Variants in PRDM16 observed in about 807,000 individuals in gnomAD.
PRDM16 encodes histone-lysine N-methyltransferase PRDM16.
In PRDM16, 23 loss-of-function variants were observed where a neutral mutation model predicts 110.6. The observed-to-expected ratio is 0.21, with a 90% CI of 0.15 to 0.29. PRDM16 has a LOEUF of 0.29. PRDM16 is among the 10% of genes least tolerant of loss of function. The probability of loss-of-function intolerance (pLI) is 1.00; values close to 1 mark genes in which losing one functional copy is unlikely to be tolerated. For synonymous variants in PRDM16, 799 were observed against 781.8 expected, an observed-to-expected ratio of 1.02 and a Z score of -0.37; for missense variants, 1,615 against 1,794.3, an observed-to-expected ratio of 0.90 and a Z score of 1.81.
intron 1 of PRDM16, among the ~76,000 whole-genome samples, chr1:3,179,241 G>C (rs1294922876): frequency 8.5e-5 from 13 of 152,260 alleles, no homozygotes; most frequent in Non-Finnish European, 1.9e-4. Context: ...CTGGACTAGG[G>C]TGAGGCAGAG....
At chr1:3,092,108 C>T (rs1252869455) in intron 1 of PRDM16, among the ~76,000 whole-genome samples, 6 of 129,198 alleles carry the variant, frequency 4.6e-5, no homozygotes, top group South Asian at 2.6e-4. Context: ...CCCCATGTCA[C>T]GGCACTGCTG....
chr1:3,426,025 C>T, intron 13 of PRDM16, 26 bp from the exon 14 acceptor site: 1 of 1,598,466 alleles, frequency 6.3e-7, no homozygotes. Flanking sequence ...GAGAGGCCGC[C>T]CCCTGATGCT....
At chr1:3,230,005 G>T (rs1639371696) in intron 2 of PRDM16, among the ~76,000 whole-genome samples, 1 of 152,230 alleles carries the variant, frequency 6.6e-6, no homozygotes, top group African/African-American at 2.4e-5. Context: ...CGTTTAGTTT[G>T]CATGAACACT....
intron 3 of PRDM16, among the ~76,000 whole-genome samples, chr1:3,337,568 G>A (rs1307575736): frequency 6.6e-6 from 1 of 152,212 alleles, no homozygotes; most frequent in Non-Finnish European, 1.5e-5. Flanking sequence ...GGCCCTTGGG[G>A]TGGGAGCTGG....
intron 1 of PRDM16, among the ~76,000 whole-genome samples, chr1:3,118,041 C>T (rs1046550354): frequency 9.2e-5 from 14 of 151,432 alleles, no homozygotes; most frequent in Non-Finnish European, 1.8e-4. Flanking sequence ...TGTGTGTGTG[C>T]ATGCTCATGC....
chr1:3,196,115 G>T (rs960483264), intron 2 of PRDM16, among the ~76,000 whole-genome samples: 3 of 152,046 alleles, frequency 2.0e-5, no homozygotes. Flanking sequence ...GAGCTCACTG[G>T]GGGCAGCCAG....
intron 2 of PRDM16, among the ~76,000 whole-genome samples, chr1:3,231,811 T>C (rs1279068624): frequency 6.6e-6 from 1 of 152,138 alleles, no homozygotes; most frequent in African/African-American, 2.4e-5. Flanking sequence ...GCGGGCAGCC[T>C]TTCACCTGCC....
intron 1 of PRDM16, among the ~76,000 whole-genome samples, chr1:3,118,488 G>A (rs1337562762): frequency 2.6e-5 from 4 of 152,196 alleles, no homozygotes; most frequent in East Asian, 1.9e-4. Flanking sequence ...GTTGGATTCC[G>A]GGTAGTGTGG....
chr1:3,352,133 G>A (rs1225014763), intron 3 of PRDM16, among the ~76,000 whole-genome samples: 1 of 152,170 alleles, frequency 6.6e-6, no homozygotes, highest in Non-Finnish European at 1.5e-5. Flanking sequence ...ACCGGTGCAT[G>A]GTCCACCTGC....
intron 1 of PRDM16, among the ~76,000 whole-genome samples, chr1:3,158,048 G>T (rs886983517): frequency 1.3e-5 from 2 of 152,192 alleles, no homozygotes; most frequent in African/African-American, 2.4e-5. Context: ...ATAATATCTG[G>T]TATACTTTTT....
chr1:3,174,896 T>C (rs1317307174), intron 1 of PRDM16, among the ~76,000 whole-genome samples: 2 of 152,190 alleles, frequency 1.3e-5, no homozygotes, highest in Non-Finnish European at 2.9e-5. Context: ...CATATTAATA[T>C]TTAGCATGTT....
Position 3,175,709 on chromosome 1 carries a change from G to T in PRDM16, c.38-10416G>T, listed in dbSNP as rs1047666696. ...CCCACCCGCCACATGGGTGCAGGGAGGGTGACAGCCGGTCAGCCCTGAAGA... is the reference window on the plus strand; with the variant it reads ...CCCACCCGCCACATGGGTGCAGGGATGGTGACAGCCGGTCAGCCCTGAAGA... On this transcript the variant is annotated intron_variant, in intron 1 of 16. Transcript: ENST00000270722. This position sits in a 1 kb window ranked among gnomAD's most constrained non-coding sequence, Gnocchi z 4.8. 6.6e-6 allele frequency among the ~76,000 whole-genome samples: 1 copy of T among 152,218 alleles called. No homozygotes were observed. The highest frequency in any genetic ancestry group is 6.5e-5 in the Admixed American group (1 of 15,286).
intron 2 of PRDM16, among the ~76,000 whole-genome samples, chr1:3,196,355 G>T (rs1043378080): frequency 2.0e-5 from 3 of 152,264 alleles, no homozygotes; most frequent in African/African-American, 7.2e-5. Context: ...ACAGCCGATG[G>T]CCCTCTCTGG....
chr1:3,212,438 G>A (rs901178561), intron 2 of PRDM16, among the ~76,000 whole-genome samples: 5 of 152,090 alleles, frequency 3.3e-5, no homozygotes, highest in Non-Finnish European at 7.4e-5. Context: ...GCCTGGAGCC[G>A]GCCGGACGCT....
rs149931916 is a variant in PRDM16, at chr1:3,340,057, C to T, written c.439-45095C>T. Among the ~76,000 whole-genome samples the T allele has an allele frequency of 4.0e-3, 615 of 152,288 alleles. 8 individuals are homozygous for T. The highest frequency in any genetic ancestry group is 0.014 in the African/African-American group (587 of 41,556). On this transcript the variant is annotated intron_variant, in intron 3 of 16. Transcript: ENST00000270722. ...GATCTCTGCTGCGTATGGACGGATT[C>T]GCTGCCCAGGTTTGCAGGTCCATCC...
chr1:3,412,747 G>A lies in PRDM16; in HGVS notation c.2550G>A (p.Gln850=). 1.3e-6 allele frequency: 2 copies of A among 1,503,088 alleles called. No individual in the cohort carries two copies. Among genetic ancestry groups the A allele is most frequent in the Non-Finnish European group, 1.8e-6 (2 of 1,126,630 alleles). The allele number at this position is 1,503,088 out of a possible 1,614,324, so 93.1% of individuals were successfully genotyped here. The change falls in exon 9 of 17, where the codon CAG becomes CAA. Residue 850 remains glutamine, a synonymous_variant. Transcript: ENST00000270722. The stretch of plus-strand genomic sequence containing the variant: ...TGTGCCCGGCGCGGATGCCCCAGCA[G>A]CCCCCGCTCCACTACGCCAAGCCCT... ...PQVCPARMPQ[Q]PPLHYAKPSP...
At chr1:3,430,307 C>T (rs1218937943) in intron 14 of PRDM16, among the ~76,000 whole-genome samples, 1 of 152,168 alleles carries the variant, frequency 6.6e-6, no homozygotes, top group Non-Finnish European at 1.5e-5. Flanking sequence ...CAGGAGAGCC[C>T]TGGGCTGCAG....
chr1:3,318,591 C>A (rs1641667413), intron 3 of PRDM16, among the ~76,000 whole-genome samples: 2 of 152,212 alleles, frequency 1.3e-5, no homozygotes, highest in Admixed American at 6.5e-5. Context: ...TCATCTATCA[C>A]TCATCTGTCT....
At chr1:3,380,298 C>A (rs888002031) in intron 3 of PRDM16, among the ~76,000 whole-genome samples, 16 of 152,048 alleles carry the variant, frequency 1.1e-4, no homozygotes, top group Middle Eastern at 6.8e-3. Flanking sequence ...TTAACCAAGA[C>A]CTCCTCAGTC....
Sources: allele counts gnomAD v4.1 joint callset (sites outside exome capture counted in the v4.1 genomes callset), GRCh38; gene constraint gnomAD v4.1.1; non-coding constraint Gnocchi (gnomAD v3.1); transcripts MANE v1.5; gene names NCBI Gene and HGNC (gene_info 2026-07-23, HGNC 2026-07-21).